Variants in HDAC4 observed in about 807,000 individuals in gnomAD.
HDAC4 encodes the protein histone deacetylase A.
Under a neutral mutation model 135.1 loss-of-function variants are expected in HDAC4, and 16 were observed. The observed-to-expected ratio is 0.12, with a 90% CI of 0.08 to 0.18. The LOEUF (loss-of-function observed/expected upper bound fraction) is 0.18. Ranked by LOEUF, HDAC4 falls within the 10% of genes least tolerant of loss-of-function variation. The pLI, the probability that HDAC4 is intolerant of heterozygous loss-of-function variation, is 1.00. For synonymous variants in HDAC4, 685 were observed against 653.4 expected (o/e 1.05, Z -0.74); for missense variants, 1,143 against 1,511.8 (o/e 0.76, Z 4.05).
chr2:239,359,036 T>C (rs1693695534), intron 1 of HDAC4, among the ~76,000 whole-genome samples: 1 of 152,216 alleles, frequency 6.6e-6, no homozygotes, highest in Non-Finnish European at 1.5e-5. Context: ...GTTTATTTTT[T>C]GGATATGTAA....
intron 11 of HDAC4, 30 bp from the exon 12 acceptor site, chr2:239,126,724 A>G (rs1163765269): frequency 6.2e-7 from 1 of 1,608,000 alleles, no homozygotes; most frequent in South Asian, 1.1e-5. Context: ...GAAACAGCAG[A>G]GGGGAAGAGG....
Position 239,378,385 on chromosome 2 carries a change from G to A in HDAC4, c.-220+22593C>T, listed in dbSNP as rs758979019. Among the ~76,000 whole-genome samples the A allele has an allele frequency of 7.2e-5, 11 of 152,170 alleles. No homozygotes were observed. In the South Asian group the frequency reaches 8.3e-4, roughly 11 times the overall value. ...CTGGAAGAGGGAAGGCGTTGGCCCC[G>A]GGGAACGAAGAGCTGAGTCACATGC... On this transcript the variant is annotated intron_variant, in intron 1 of 26. Coordinates refer to ENST00000543185, the MANE Select transcript of HDAC4 (RefSeq NM_001378414.1).
intron 3 of HDAC4, among the ~76,000 whole-genome samples, chr2:239,221,442 A>T (rs531070182): frequency 2.0e-5 from 3 of 152,294 alleles, no homozygotes; most frequent in African/African-American, 7.2e-5. Context: ...AACAAAAAAG[A>T]CAGGAGTGTG....
intron 2 of HDAC4, among the ~76,000 whole-genome samples, chr2:239,281,011 AATGTACACACCACTCT>A (rs2050694977): frequency 8.1e-6 from 1 of 123,606 alleles, no homozygotes; most frequent in Non-Finnish European, 1.8e-5. Flanking sequence ...CACCACTCTC[AATGTACACACCACTCT>A]CAATGTACAT....
chr2:239,176,620 G>A, intron 4 of HDAC4, 57 bp from the exon 5 acceptor site: 1 of 1,551,762 alleles, frequency 6.4e-7, no homozygotes, highest in Non-Finnish European at 8.8e-7. Context: ...CACACACAGA[G>A]ACCCAATGAA....
chr2:239,311,838 C>A (rs367635769), intron 2 of HDAC4, among the ~76,000 whole-genome samples: 4 of 152,152 alleles, frequency 2.6e-5, no homozygotes, highest in Non-Finnish European at 5.9e-5. Flanking sequence ...AAGTCTGGAC[C>A]GGAGCCAGCA....
intron 4 of HDAC4, among the ~76,000 whole-genome samples, chr2:239,183,666 C>T (rs1166775869): frequency 6.6e-6 from 1 of 152,208 alleles, no homozygotes; most frequent in Non-Finnish European, 1.5e-5. Flanking sequence ...CACCCAGAGG[C>T]ACCACAGAGG....
chr2:239,088,328 C>G (rs1011396376), intron 18 of HDAC4, among the ~76,000 whole-genome samples: 2 of 152,242 alleles, frequency 1.3e-5, no homozygotes, highest in Non-Finnish European at 2.9e-5. Context: ...GCCGGCCAAC[C>G]ATGAGTGACA....
chr2:239,191,105 G>T, intron 3 of HDAC4: 1 of 428,478 alleles, frequency 2.3e-6, no homozygotes, highest in Non-Finnish European at 4.8e-6. Context: ...CCCTCCCACA[G>T]GCCCACCCCT....
chr2:239,205,828 G>A (rs903017239), intron 3 of HDAC4, among the ~76,000 whole-genome samples: 2 of 152,064 alleles, frequency 1.3e-5, no homozygotes, highest in African/African-American at 4.8e-5. Context: ...TGGGGAAGGG[G>A]TGCTCAGTGT....
chr2:239,179,322 C>T (rs2043987854), intron 4 of HDAC4, among the ~76,000 whole-genome samples: 1 of 152,236 alleles, frequency 6.6e-6, no homozygotes, highest in African/African-American at 2.4e-5. Context: ...CAGTCCCTGG[C>T]CTGTTAGGAA....
chr2:239,120,051 G>A (rs899029227), intron 12 of HDAC4, among the ~76,000 whole-genome samples: 2 of 152,022 alleles, frequency 1.3e-5, no homozygotes, highest in African/African-American at 4.8e-5. Flanking sequence ...AAGTGCCAGA[G>A]AAGGGCCACC....
rs1276796721 is a variant in HDAC4 at position 239,167,605 on chromosome 2, C to G, written c.491-3682G>C. 6.6e-6 allele frequency among the ~76,000 whole-genome samples: 1 copy of G among 152,216 alleles called. No individual in the cohort carries two copies. The highest frequency in any genetic ancestry group is 1.5e-5 in the Non-Finnish European group (1 of 68,042). On this transcript the variant is annotated intron_variant, in intron 5 of 26. Transcript: ENST00000543185. The surrounding 1 kb of genome is among the most constrained non-coding windows in gnomAD (Gnocchi z 4.1). ...AATGAGGGGCTGATTCTGACCCCCACCCCGTTTCTGCACTTCTGGTTATGC... is the reference window on the plus strand; with the variant it reads ...AATGAGGGGCTGATTCTGACCCCCAGCCCGTTTCTGCACTTCTGGTTATGC...
intron 5 of HDAC4, among the ~76,000 whole-genome samples, chr2:239,174,245 G>A (rs2043618444): frequency 6.6e-6 from 1 of 152,184 alleles, no homozygotes; most frequent in Admixed American, 6.5e-5. Flanking sequence ...GCAAAGTACA[G>A]AGTGGAAGAA....
At chr2:239,302,398 A>G (rs1404184132) in intron 2 of HDAC4, among the ~76,000 whole-genome samples, 1 of 152,250 alleles carries the variant, frequency 6.6e-6, no homozygotes, top group East Asian at 1.9e-4. Flanking sequence ...TTGCCAAGCT[A>G]TAAAACACGA....
At chr2:239,185,508 A>G (rs1350819749) in intron 4 of HDAC4, among the ~76,000 whole-genome samples, 3 of 150,068 alleles carry the variant, frequency 2.0e-5, no homozygotes, top group Admixed American at 1.3e-4. Context: ...TTTCCTAGGG[A>G]GAGGTGCACA....
intron 18 of HDAC4, chr2:239,089,762 G>A: frequency 5.6e-6 from 2 of 359,182 alleles, no homozygotes; most frequent in African/African-American, 2.2e-5. Context: ...AAATTTTTAA[G>A]AGTATAAAGG....
intron 16 of HDAC4, among the ~76,000 whole-genome samples, chr2:239,098,788 C>G (rs1415731152): frequency 3.3e-5 from 5 of 152,214 alleles, no homozygotes; most frequent in African/African-American, 1.2e-4. Context: ...CAGCTATTAC[C>G]ATGTCTGAAA....
At chr2:239,096,711 A>C (rs1575010926) in intron 16 of HDAC4, among the ~76,000 whole-genome samples, 1 of 50,156 alleles carries the variant, frequency 2.0e-5, no homozygotes, top group Non-Finnish European at 3.6e-5. Context: ...ACCCCACCCC[A>C]CGGACACCAG....
Sources: gnomAD v4.1 joint callset for allele counts (sites outside exome capture counted in the v4.1 genomes callset) on GRCh38, gnomAD v4.1.1 for gene constraint, Gnocchi (gnomAD v3.1) non-coding constraint, MANE v1.5 for transcripts, NCBI Gene and HGNC (gene_info 2026-07-23, HGNC 2026-07-21) for gene names.